MAF: variants seen among roughly 807,000 people sequenced by gnomAD.
The protein encoded by MAF is transcription factor Maf.
MAF carries 10 observed loss-of-function variants against 22.0 expected under a neutral mutation model. The ratio of observed to expected loss-of-function variants is 0.45; its 90% CI spans 0.28 to 0.77. MAF has a LOEUF of 0.77. MAF is among the 30% of genes least tolerant of loss of function. MAF has a pLI of 0.12. For missense variants in MAF, 544 were observed against 548.4 expected, an observed-to-expected ratio of 0.99 and a Z score of 0.08; for synonymous variants, 337 against 255.8, an observed-to-expected ratio of 1.32 and a Z score of -3.03.
intron 1 of MAF, 190 bp downstream of exon 1, chr16:79,598,581 GGTGTGTGTGTGTGT>G (rs5818250): frequency 4.3e-6 from 6 of 1,409,632 alleles, no homozygotes; most frequent in South Asian, 2.8e-5. Context: ...CAGGGTGTGG[GGTGTGTGTGTGTGT>G]GTGTGTGTGT....
chr16:79,420,091 C>T, the MAF span, among the ~76,000 whole-genome samples: 1 of 151,952 alleles, frequency 6.6e-6, no homozygotes, highest in African/African-American at 2.4e-5. Flanking sequence ...GTGGCCAGCA[C>T]CTACAAAACT....
At chr16:79,447,982 G>C in the MAF span, among the ~76,000 whole-genome samples, 1 of 150,482 alleles carries the variant, frequency 6.6e-6, no homozygotes, top group Admixed American at 6.6e-5. Context: ...AAACTTGAAT[G>C]AATGAGATGT....
At chr16:79,568,898 C>A in the MAF span, among the ~76,000 whole-genome samples, 1 of 152,204 alleles carries the variant, frequency 6.6e-6, no homozygotes, top group Non-Finnish European at 1.5e-5. Context: ...TACAAGCATT[C>A]TTCAGAACAC....
the MAF span, among the ~76,000 whole-genome samples, chr16:79,394,826 T>C: frequency 1.3e-5 from 2 of 152,150 alleles, no homozygotes; most frequent in Non-Finnish European, 2.9e-5. Flanking sequence ...CATTTGCAGC[T>C]GAGTTTGGGA....
the MAF span, among the ~76,000 whole-genome samples, chr16:79,399,771 G>A: frequency 6.6e-6 from 1 of 152,160 alleles, no homozygotes; most frequent in South Asian, 2.1e-4. Flanking sequence ...GTAGAAGGGG[G>A]TTACCAAAGC....
chr16:79,582,689 T>C (rs2143672173), downstream of MAF, among the ~76,000 whole-genome samples: 1 of 152,352 alleles, frequency 6.6e-6, no homozygotes, highest in East Asian at 1.9e-4. Flanking sequence ...ATCCAAATAA[T>C]AAAATGCTTT....
At chr16:79,552,200 G>A in the MAF span, among the ~76,000 whole-genome samples, 2 of 148,076 alleles carry the variant, frequency 1.4e-5, no homozygotes, top group African/African-American at 4.9e-5. Flanking sequence ...TCTGAACCTT[G>A]GCATCTGCTG....
chr16:79,436,771 C>T, the MAF span, among the ~76,000 whole-genome samples: 1 of 152,134 alleles, frequency 6.6e-6, no homozygotes, highest in Non-Finnish European at 1.5e-5. Context: ...ACGTGATGCC[C>T]TCTTGGAAAC....
chr16:79,549,244 A>C, the MAF span, among the ~76,000 whole-genome samples: 1 of 152,154 alleles, frequency 6.6e-6, no homozygotes, highest in Non-Finnish European at 1.5e-5. Context: ...AACATAGTGC[A>C]GAGTGCTGAG....
At chr16:79,571,323 T>C in the MAF span, among the ~76,000 whole-genome samples, 2 of 152,006 alleles carry the variant, frequency 1.3e-5, no homozygotes, top group Admixed American at 6.6e-5. Flanking sequence ...TGATCCCAGA[T>C]ACACTTTCAT....
At chr16:79,524,724 C>T in the MAF span, among the ~76,000 whole-genome samples, 1 of 152,242 alleles carries the variant, frequency 6.6e-6, no homozygotes, top group Non-Finnish European at 1.5e-5. Flanking sequence ...ATTCTGTTAT[C>T]ATCTAGCAAT....
chr16:79,395,259 G>A, the MAF span, among the ~76,000 whole-genome samples: 10 of 152,156 alleles, frequency 6.6e-5, no homozygotes, highest in South Asian at 2.1e-4. Flanking sequence ...CATATTCTGA[G>A]GGCAACAGAA....
the MAF span, among the ~76,000 whole-genome samples, chr16:79,500,666 T>G: frequency 6.6e-6 from 1 of 152,072 alleles, no homozygotes; most frequent in African/African-American, 2.4e-5. Flanking sequence ...CAGAGTATGC[T>G]CCCTGGGAAG....
the MAF span, among the ~76,000 whole-genome samples, chr16:79,473,015 C>T: frequency 4.4e-3 from 668 of 152,096 alleles, 2 homozygotes; most frequent in African/African-American, 0.014. Flanking sequence ...GAAGGACTGA[C>T]GCTAAGCAAA....
the MAF span, among the ~76,000 whole-genome samples, chr16:79,493,295 C>T: frequency 6.6e-6 from 1 of 152,102 alleles, no homozygotes; most frequent in Non-Finnish European, 1.5e-5. Context: ...CAATTCTGGG[C>T]CTCAGCCTCC....
chr16:79,524,092 CT>C, the MAF span, among the ~76,000 whole-genome samples: 1 of 152,164 alleles, frequency 6.6e-6, no homozygotes, highest in Admixed American at 6.5e-5. Flanking sequence ...ATTTGAGGAG[CT>C]TTTGAAGGGA....
chr16:79,442,026 G>C, the MAF span, among the ~76,000 whole-genome samples: 1 of 152,238 alleles, frequency 6.6e-6, no homozygotes, highest in Non-Finnish European at 1.5e-5. Context: ...AAGAACGCCA[G>C]CAGGACCCAG....
downstream of MAF, among the ~76,000 whole-genome samples, chr16:79,583,613 T>C (rs544197212): frequency 1.3e-5 from 2 of 152,366 alleles, no homozygotes; most frequent in Admixed American, 6.5e-5. Flanking sequence ...CCCCACGTTC[T>C]GATCGGTCTT....
At chr16:79,363,893 T>G in the MAF span, among the ~76,000 whole-genome samples, 1 of 152,178 alleles carries the variant, frequency 6.6e-6, no homozygotes, top group Non-Finnish European at 1.5e-5. Context: ...TAGCTCAGTA[T>G]AGTTCAGTGT....
Sources: allele counts gnomAD v4.1 joint callset (sites outside exome capture counted in the v4.1 genomes callset), GRCh38; gene constraint gnomAD v4.1.1; transcripts MANE v1.5; gene names NCBI Gene and HGNC (gene_info 2026-07-23, HGNC 2026-07-21).